The following FMN2 variants were observed in gnomAD, a reference collection of about 807,000 sequenced individuals.
FMN2 encodes the protein formin-2.
Under a neutral mutation model 142.3 loss-of-function variants are expected in FMN2, and 51 were observed. The ratio of observed to expected loss-of-function variants is 0.36; its 90% CI spans 0.29 to 0.45. The LOEUF is 0.45. FMN2 is among the 20% of genes least tolerant of loss of function. FMN2 has a pLI of 1.00. For synonymous variants in FMN2, 882 were observed against 869.8 expected, an observed-to-expected ratio of 1.01 and a Z score of -0.25; for missense variants, 1,936 against 2,122.8, an observed-to-expected ratio of 0.91 and a Z score of 1.73.
chr1:240,169,125 C>T (rs1664598889), intron 2 of FMN2, among the ~76,000 whole-genome samples: 1 of 152,156 alleles, frequency 6.6e-6, no homozygotes, highest in Non-Finnish European at 1.5e-5. Context: ...GCAGGAGAAT[C>T]GCTTGAACCC....
At chr1:240,384,260 C>T (rs1329819611) in intron 14 of FMN2, among the ~76,000 whole-genome samples, 1 of 151,964 alleles carries the variant, frequency 6.6e-6, no homozygotes, top group Non-Finnish European at 1.5e-5. Flanking sequence ...TGTAATATAT[C>T]TATGTAACAA....
chr1:240,208,527 C>T lies in FMN2; in HGVS notation c.3715C>T (p.Pro1239Ser), dbSNP rs1367043984. ...AGGAATCCCACCGCCCCCTCTGCTT[C>T]CTGTATCAGGCCCTCCACTCCTCCC... ...GTGIPPPPLL[P>S]VSGPPLLPQV... The change falls in exon 5 of 18, where the codon CCT (proline) becomes TCT (serine). Residue 1239 changes from proline (P) to serine (S), a missense_variant. Pro to Ser is a moderately conservative substitution (Grantham distance 74). Around this residue, in one of 8 missense-constraint regions of FMN2, gnomAD observed 259 missense variants for 230.9 expected, o/e 1.12. Transcript: ENST00000319653. 1.9e-6 allele frequency: 3 copies of T among 1,613,094 alleles called. No individual in the cohort carries two copies. The highest frequency in any genetic ancestry group is 4.5e-5 in the East Asian group (2 of 44,746).
chr1:240,216,236 A>C (rs1294169738), intron 6 of FMN2, among the ~76,000 whole-genome samples: 2 of 152,236 alleles, frequency 1.3e-5, no homozygotes, highest in Non-Finnish European at 2.9e-5. Context: ...CATTTATCCC[A>C]TGGTAAAAAA....
chr1:240,361,186 AAAG>A (rs1558452747), intron 14 of FMN2, among the ~76,000 whole-genome samples: 5 of 82,226 alleles, frequency 6.1e-5, no homozygotes, highest in Middle Eastern at 6.6e-3. Context: ...TATATATATA[AAAG>A]AGTTTAAAGA....
intron 7 of FMN2, among the ~76,000 whole-genome samples, chr1:240,270,900 G>A (rs1486573711): frequency 6.6e-6 from 1 of 151,790 alleles, no homozygotes; most frequent in East Asian, 1.9e-4. Flanking sequence ...TTAGATAGGA[G>A]GAATAAGTCC....
chr1:240,357,688 A>G (rs1455554458), intron 14 of FMN2, among the ~76,000 whole-genome samples: 2 of 151,002 alleles, frequency 1.3e-5, no homozygotes, highest in African/African-American at 4.9e-5. Flanking sequence ...GCTGGCTGCA[A>G]CCTCCACCTC....
At chr1:240,413,869 C>A (rs1489721575) in intron 15 of FMN2, among the ~76,000 whole-genome samples, 1 of 152,170 alleles carries the variant, frequency 6.6e-6, no homozygotes, top group Non-Finnish European at 1.5e-5. Flanking sequence ...TTGTTCTCTG[C>A]CTTAACAACT....
At chr1:240,136,140 C>A (rs1395533770) in intron 2 of FMN2, among the ~76,000 whole-genome samples, 1 of 151,858 alleles carries the variant, frequency 6.6e-6, no homozygotes, top group African/African-American at 2.4e-5. Context: ...TATGTTTAAG[C>A]CTATTTTGAG....
At chr1:240,259,650 A>G (rs1481162050) in intron 7 of FMN2, among the ~76,000 whole-genome samples, 1 of 152,150 alleles carries the variant, frequency 6.6e-6, no homozygotes, top group East Asian at 1.9e-4. Flanking sequence ...GACTTCTCTC[A>G]GGATATGCCT....
chr1:240,294,051 A>G (rs1281141684), intron 7 of FMN2, among the ~76,000 whole-genome samples: 2 of 152,200 alleles, frequency 1.3e-5, no homozygotes, highest in Admixed American at 6.5e-5. Context: ...TACTTGGCAC[A>G]AATTCTATCA....
intron 8 of FMN2, among the ~76,000 whole-genome samples, chr1:240,323,177 C>T (rs1671038698): frequency 6.7e-6 from 1 of 149,276 alleles, no homozygotes; most frequent in Non-Finnish European, 1.5e-5. Flanking sequence ...CTTTCTCTCT[C>T]TTTTCTTTTC....
chr1:240,303,040 T>TA (rs10711831), intron 8 of FMN2, among the ~76,000 whole-genome samples: 9,735 of 148,670 alleles, frequency 0.065, 388 homozygotes, highest in South Asian at 0.12. Context: ...TCTCTATGAC[T>TA]AAAAAAAAAA....
Position 240,093,453 on chromosome 1 carries a change from A to G in FMN2, c.1344A>G (p.Glu448=). The G allele has an allele frequency of 6.2e-7, 1 of 1,613,314 alleles. No individual in the cohort carries two copies. The highest frequency in any genetic ancestry group is 2.2e-5 in the East Asian group (1 of 44,766). The part of the protein sequence containing the change: ...NQSPRIKRRP[E]PSLSRGSRTA... The stretch of plus-strand genomic sequence containing the variant: ...GCCCCAGGATCAAGAGGCGGCCGGA[A>G]CCCTCCCTGAGCCGAGGGTCCAGAA... The change falls in exon 1 of 18, where the codon GAA becomes GAG. Residue 448 remains glutamate, a synonymous_variant. Coordinates refer to ENST00000319653, the MANE Select transcript of FMN2 (RefSeq NM_020066.5).
chr1:240,277,138 C>A (rs572964694), intron 7 of FMN2, among the ~76,000 whole-genome samples: 1 of 152,004 alleles, frequency 6.6e-6, no homozygotes, highest in South Asian at 2.1e-4. Flanking sequence ...ATTTAATAAA[C>A]GTAAAATACT....
At chr1:240,377,314 T>G (rs1333789105) in intron 14 of FMN2, among the ~76,000 whole-genome samples, 1 of 67,474 alleles carries the variant, frequency 1.5e-5, no homozygotes, top group Non-Finnish European at 3.4e-5. Flanking sequence ...GTTAACAGGT[T>G]TTTTTTTTTT....
At chr1:240,154,846 C>CCT (rs1558325359) in intron 2 of FMN2, 5 of 81,306 alleles carry the variant, frequency 6.1e-5, no homozygotes, top group African/African-American at 2.4e-4. Flanking sequence ...CCTTCCTTCC[C>CCT]TCCCTCCCTC....
chr1:240,420,801 G>C (rs558837343), intron 15 of FMN2, among the ~76,000 whole-genome samples: 1 of 152,264 alleles, frequency 6.6e-6, no homozygotes, highest in South Asian at 2.1e-4. Context: ...AAGAGAACCT[G>C]TCCCAGAACT....
chr1:240,294,793 C>A, intron 7 of FMN2, 29 bp from the exon 8 acceptor site: 4 of 1,610,778 alleles, frequency 2.5e-6, no homozygotes, highest in Non-Finnish European at 3.4e-6. Context: ...TGGCTTATGG[C>A]AATTTATATT....
rs183619932 is a variant in FMN2 at position 240,300,771 on chromosome 1, C to T, written c.4215+5888C>T. Reference sequence around the variant, plus strand: ...ACATGCATATTTGGAATCGTTTTTTCTCTTGGATGTTGCTTTTTATCAGTA... The same window carrying T: ...ACATGCATATTTGGAATCGTTTTTTTTCTTGGATGTTGCTTTTTATCAGTA... On this transcript the variant is annotated intron_variant, in intron 8 of 17. Coordinates refer to ENST00000319653, the MANE Select transcript of FMN2 (RefSeq NM_020066.5). 7.2e-5 allele frequency among the ~76,000 whole-genome samples: 11 copies of T among 151,960 alleles called. No homozygotes were observed. In the East Asian group the frequency reaches 2.1e-3, roughly 30 times the overall value.
Sources: gnomAD v4.1 joint callset for allele counts (sites outside exome capture counted in the v4.1 genomes callset) on GRCh38, gnomAD v4.1.1 for gene constraint, gnomAD v4.1.1 regional missense constraint, MANE v1.5 for transcripts, NCBI Gene and HGNC (gene_info 2026-07-23, HGNC 2026-07-21) for gene names.